ARHGEF18: variants seen among roughly 807,000 people sequenced by gnomAD.
ARHGEF18 encodes Rho/Rac guanine nucleotide exchange factor 18, also known as rho guanine nucleotide exchange factor 18.
ARHGEF18 carries 93 observed loss-of-function variants against 155.7 expected under a neutral mutation model. The observed-to-expected ratio is 0.60, with a 90% CI of 0.50 to 0.71. The LOEUF (loss-of-function observed/expected upper bound fraction) is 0.71. Ranked by LOEUF, ARHGEF18 falls within the 30% of genes least tolerant of loss-of-function variation. ARHGEF18 has a pLI of 0.00. For missense variants in ARHGEF18, 1,593 were observed against 1,816.1 expected, an observed-to-expected ratio of 0.88 and a Z score of 2.23; for synonymous variants, 742 against 753.1, an observed-to-expected ratio of 0.99 and a Z score of 0.24.
chr19:7,477,652 C>A, the ARHGEF18 span, among the ~76,000 whole-genome samples: 1 of 152,166 alleles, frequency 6.6e-6, no homozygotes, highest in African/African-American at 2.4e-5. Flanking sequence ...GGGTCCAAGT[C>A]CTCAAATCCA....
chr19:7,464,435 T>C, intron 22 of ARHGEF18, 125 bp from the exon 23 acceptor site: 1 of 1,210,972 alleles, frequency 8.3e-7, no homozygotes, highest in Non-Finnish European at 1.2e-6. Context: ...GCGTCTGTGC[T>C]GCAGACGCCA....
At chr19:7,461,594 A>C (rs1224996882) in intron 20 of ARHGEF18, among the ~76,000 whole-genome samples, 2 of 152,156 alleles carry the variant, frequency 1.3e-5, no homozygotes, top group Non-Finnish European at 2.9e-5. Context: ...TGGAAAATTC[A>C]GTTTTCTAAG....
chr19:7,432,926 G>A (rs1208738829), intron 10 of ARHGEF18, among the ~76,000 whole-genome samples: 2 of 152,226 alleles, frequency 1.3e-5, no homozygotes, highest in Non-Finnish European at 2.9e-5. Context: ...TTGGGAAGTC[G>A]AAGCGGGAGG....
intron 10 of ARHGEF18, among the ~76,000 whole-genome samples, chr19:7,422,797 C>T (rs1368876942): frequency 1.4e-5 from 2 of 145,704 alleles, no homozygotes; most frequent in African/African-American, 5.0e-5. Context: ...CGGCTCACTG[C>T]AGTCTCCACC....
rs563692607 is a variant in ARHGEF18 at position 7,464,186 on chromosome 19, C to T, written c.2773+231C>T. 5.3e-5 allele frequency among the ~76,000 whole-genome samples: 8 copies of T among 152,194 alleles called. No homozygotes were observed. In the South Asian group the frequency reaches 6.2e-4, roughly 12 times the overall value. On this transcript the variant is annotated intron_variant, in intron 22 of 28. Transcript: ENST00000668164. The stretch of plus-strand genomic sequence containing the variant: ...CCAAGTAGCTGGGACTATAAGCACA[C>T]GCCACCATGCCCGGCTACTTTTTGT...
At chr19:7,477,769 C>T in the ARHGEF18 span, among the ~76,000 whole-genome samples, 2 of 152,228 alleles carry the variant, frequency 1.3e-5, no homozygotes, top group Non-Finnish European at 2.9e-5. Context: ...CCCCCAGGAG[C>T]GTGGCCTGTG....
Position 7,354,341 on chromosome 19 carries a change from C to T in ARHGEF18, c.-111+5100C>T, listed in dbSNP as rs563811448. Among the ~76,000 whole-genome samples the T allele has an allele frequency of 1.8e-3, 277 of 151,994 alleles. 1 individual carries two copies. The highest frequency in any genetic ancestry group is 6.2e-3 in the African/African-American group (258 of 41,474). On this transcript the variant is annotated intron_variant, in intron 1 of 28. Transcript: ENST00000668164. ...AATAAAAGTTAAAAAATAACAGGCT[C>T]ATGCCTGTTATCCCAGCACTTTGGG...
intron 1 of ARHGEF18, among the ~76,000 whole-genome samples, chr19:7,358,089 G>T (rs1969385318): frequency 1.3e-5 from 2 of 151,872 alleles, no homozygotes. Context: ...ATTCATCCCT[G>T]CAACCATGCA....
intron 10 of ARHGEF18, among the ~76,000 whole-genome samples, chr19:7,403,649 C>T (rs569336185): frequency 3.0e-4 from 46 of 151,854 alleles, no homozygotes; most frequent in African/African-American, 9.7e-4. Flanking sequence ...GCAATCCTCC[C>T]GCTTTGTCCT....
At chr19:7,397,151 C>A (rs1265050362) in intron 10 of ARHGEF18, among the ~76,000 whole-genome samples, 8 of 147,144 alleles carry the variant, frequency 5.4e-5, no homozygotes, top group Non-Finnish European at 9.0e-5. Flanking sequence ...CAAAAAAGAG[C>A]AAACAGCTGG....
Position 7,383,128 on chromosome 19 carries a change from G to A in ARHGEF18, c.892G>A (p.Gly298Arg), listed in dbSNP as rs1970826768. 1.6e-6 allele frequency: 2 copies of A among 1,232,266 alleles called. No individual in the cohort carries two copies. The highest frequency in any genetic ancestry group is 6.3e-5 in the East Asian group (2 of 31,698). 76.3% of individuals were successfully genotyped at this position (1,232,266 alleles called of 1,614,324 possible). The stretch of plus-strand genomic sequence containing the variant: ...ACGAGAGAGGCGGGAGTGTGTCAAT[G>A]GGCACCAGCTGTTGCAAGGGACCTT... ...DARERRECVNGHQLLQGTFSG... is the reference protein window; with the variant it reads ...DARERRECVNRHQLLQGTFSG... Residue 298 changes from glycine to arginine, a missense_variant, in exon 10 of 29, where the codon GGG (glycine) becomes AGG (arginine). Coordinates refer to ENST00000668164, the MANE Select transcript of ARHGEF18 (RefSeq NM_001367823.1).
chr19:7,352,177 T>G (rs567134538), intron 1 of ARHGEF18, among the ~76,000 whole-genome samples: 1 of 152,094 alleles, frequency 6.6e-6, no homozygotes, highest in Non-Finnish European at 1.5e-5. Flanking sequence ...GTCATTTTCC[T>G]CCATAGAGCG....
chr19:7,402,120 C>A (rs1972045693), intron 10 of ARHGEF18, among the ~76,000 whole-genome samples: 1 of 152,096 alleles, frequency 6.6e-6, no homozygotes, highest in Non-Finnish European at 1.5e-5. Flanking sequence ...GTGATGAAGG[C>A]ATTCTAAAAT....
downstream of ARHGEF18, among the ~76,000 whole-genome samples, chr19:7,473,650 A>C (rs938152349): frequency 6.6e-6 from 1 of 152,062 alleles, no homozygotes. Flanking sequence ...TCTCAACTAA[A>C]AATACAGAAA....
intron 1 of ARHGEF18, among the ~76,000 whole-genome samples, chr19:7,357,298 T>C (rs938363604): frequency 6.6e-6 from 1 of 152,190 alleles, no homozygotes; most frequent in East Asian, 1.9e-4. Flanking sequence ...ATTACCAAAG[T>C]GTCTGCCTGT....
intron 10 of ARHGEF18, among the ~76,000 whole-genome samples, chr19:7,430,975 T>C (rs1973926021): frequency 6.6e-6 from 1 of 151,800 alleles, no homozygotes; most frequent in African/African-American, 2.4e-5. Context: ...GAGACCAGCC[T>C]TTGCAACATA....
At chr19:7,451,534 C>T (rs1362013099) in intron 16 of ARHGEF18, among the ~76,000 whole-genome samples, 2 of 151,780 alleles carry the variant, frequency 1.3e-5, no homozygotes, top group African/African-American at 2.4e-5. Context: ...CCTCAGCCTC[C>T]CAAGCACCTG....
At chr19:7,433,731 G>A (rs1264770938) in intron 10 of ARHGEF18, among the ~76,000 whole-genome samples, 1 of 151,614 alleles carries the variant, frequency 6.6e-6, no homozygotes, top group Non-Finnish European at 1.5e-5. Flanking sequence ...AAAAGTCTGG[G>A]GTCTTAGGCT....
intron 8 of ARHGEF18, among the ~76,000 whole-genome samples, chr19:7,382,453 TG>T (rs1282064708): frequency 6.1e-4 from 12 of 19,720 alleles, no homozygotes; most frequent in Admixed American, 4.0e-3. Context: ...AGATACCGGG[TG>T]GGGGTGGGGG....
Sources: allele counts gnomAD v4.1 joint callset (sites outside exome capture counted in the v4.1 genomes callset), GRCh38; gene constraint gnomAD v4.1.1; transcripts MANE v1.5; gene names NCBI Gene and HGNC (gene_info 2026-07-23, HGNC 2026-07-21).